RADIL: variants seen among roughly 807,000 people sequenced by gnomAD.
RADIL encodes Rap associating with DIL domain, also known as ras-associating and dilute domain-containing protein.
In RADIL, 99 loss-of-function variants were observed where a neutral mutation model predicts 97.6. The ratio of observed to expected loss-of-function variants is 1.01; its 90% CI spans 0.86 to 1.20. The LOEUF (loss-of-function observed/expected upper bound fraction) is 1.20, where lower values mean the gene tolerates loss of function less well. Ranked by LOEUF, RADIL falls within the 50% of genes most tolerant of loss-of-function variation. The pLI, the probability that RADIL is intolerant of heterozygous loss-of-function variation, is 0.00. For synonymous variants in RADIL, 803 were observed against 691.8 expected, an observed-to-expected ratio of 1.16 and a Z score of -2.52; for missense variants, 1,765 against 1,498.9, an observed-to-expected ratio of 1.18 and a Z score of -2.93.
At chr7:4,847,236 G>A (rs956775945) in intron 2 of RADIL, among the ~76,000 whole-genome samples, 1 of 152,122 alleles carries the variant, frequency 6.6e-6, no homozygotes, top group Non-Finnish European at 1.5e-5. Context: ...CAGGAGAATC[G>A]CTTGAACCCA....
intron 2 of RADIL, among the ~76,000 whole-genome samples, chr7:4,851,751 C>A (rs538568990): frequency 6.6e-6 from 1 of 152,036 alleles, no homozygotes; most frequent in African/African-American, 2.4e-5. Context: ...AAGAACTGTT[C>A]AGCAAAAAAA....
Position 4,803,399 on chromosome 7 carries a change from G to A in RADIL, c.2499+147C>T, listed in dbSNP as rs1421231473. The A allele has an allele frequency of 3.6e-5, 23 of 645,676 alleles. 1 individual carries two copies. The highest frequency in any genetic ancestry group is 9.8e-4 in the Middle Eastern group (2 of 2,038). 40.0% of individuals were successfully genotyped at this position (645,676 alleles called of 1,614,324 possible). ...GGGTGGCCCCCTCCCCGGGCACCTC[G>A]GGGCACACTGGCTGGGCCCCCTCCC... On this transcript the variant is annotated intron_variant, in intron 11 of 14. Coordinates refer to ENST00000399583, the MANE Select transcript of RADIL (RefSeq NM_018059.5).
In RADIL at chr7:4,842,270, G is replaced by A. The variant is rs544409475; in HGVS notation, c.536-5665C>T. 7.0e-4 allele frequency among the ~76,000 whole-genome samples: 106 copies of A among 152,254 alleles called. No homozygotes were observed. Among genetic ancestry groups the A allele is most frequent in the South Asian group, 3.5e-3 (17 of 4,824 alleles). ...TTCTTCTACTCTCACAGCAGAGGCC[G>A]TAAGGAAAGGAGGGCTGAGCTCCAT... On this transcript the variant is annotated intron_variant, in intron 2 of 14. Coordinates refer to ENST00000399583, the MANE Select transcript of RADIL (RefSeq NM_018059.5). This position sits in a 1 kb window ranked among gnomAD's most constrained non-coding sequence, Gnocchi z 4.5.
At chr7:4,848,154 C>A (rs1055765622) in intron 2 of RADIL, among the ~76,000 whole-genome samples, 8 of 150,390 alleles carry the variant, frequency 5.3e-5, no homozygotes, top group Non-Finnish European at 8.8e-5. Context: ...GAGCTGAGAT[C>A]ACACCACTGC....
chr7:4,834,747 C>T lies in RADIL; in HGVS notation c.1276G>A (p.Glu426Lys). ...TLLQRIMTLI[E>K]PGGDDHKLTP... ...AGCTTGTGGTCGTCGCCCCCCGGCT[C>T]GATCAACGTCATGATCCTCTGCAGC... is the stretch of plus-strand genomic sequence containing the variant. The change falls in exon 4 of 15, where the codon GAG becomes AAG. Residue 426 changes from glutamate to lysine, a missense_variant. Transcript: ENST00000399583. This position sits in a 1 kb window ranked among gnomAD's most constrained non-coding sequence, Gnocchi z 6.0. The T allele has an allele frequency of 2.8e-6, 4 of 1,407,412 alleles. No homozygotes were observed. Among genetic ancestry groups the T allele is most frequent in the Non-Finnish European group, 3.7e-6 (4 of 1,073,742 alleles). 87.2% of individuals were successfully genotyped at this position (1,407,412 alleles called of 1,614,324 possible).
chr7:4,867,973 T>C lies in RADIL; in HGVS notation c.535+9632A>G, dbSNP rs1784166930. Among the ~76,000 whole-genome samples, 1 of 152,254 alleles carries C rather than the reference T, an allele frequency of 6.6e-6. No individual in the cohort carries two copies. Among genetic ancestry groups the C allele is most frequent in the South Asian group, 2.1e-4 (1 of 4,838 alleles). On this transcript the variant is annotated intron_variant, in intron 2 of 14. Coordinates refer to ENST00000399583, the MANE Select transcript of RADIL (RefSeq NM_018059.5). This position sits in a 1 kb window ranked among gnomAD's most constrained non-coding sequence, Gnocchi z 4.1. Reference sequence around the variant, plus strand: ...ATATTGGTGAGACGGCTGTCCTGCATTAGGCATTCGGTCATGGCTGCAGGC... The same window carrying C: ...ATATTGGTGAGACGGCTGTCCTGCACTAGGCATTCGGTCATGGCTGCAGGC...
At position 4,803,639 on chromosome 7, in the gene RADIL, G is replaced by A. The variant is rs780595219; in HGVS notation, c.2406C>T (p.Tyr802=). ...GCAGACCCCACAGAAAGTGGCGGACGTAGAGCAGGTGCTGGTAGATGCTGT... is the reference window on the plus strand; with the variant it reads ...GCAGACCCCACAGAAAGTGGCGGACATAGAGCAGGTGCTGGTAGATGCTGT... ...LDDSIYQHLL[Y]VRHFLWGLRS... is the part of the protein sequence containing the mutation. Residue 802 remains tyrosine, a synonymous_variant, in exon 11 of 15, where the codon TAC becomes TAT. Transcript: ENST00000399583. 1.7e-5 allele frequency: 27 copies of A among 1,550,054 alleles called. No homozygotes were observed. Among genetic ancestry groups the A allele is most frequent in the South Asian group, 1.1e-4 (9 of 84,058 alleles).
intron 2 of RADIL, among the ~76,000 whole-genome samples, chr7:4,847,892 C>G (rs932370134): frequency 6.6e-6 from 1 of 151,986 alleles, no homozygotes; most frequent in African/African-American, 2.4e-5. Flanking sequence ...CACAAAGGAT[C>G]TTTTGGTGAT....
At chr7:4,830,905 C>G (rs1469461263) in intron 5 of RADIL, among the ~76,000 whole-genome samples, 1 of 152,004 alleles carries the variant, frequency 6.6e-6, no homozygotes, top group Non-Finnish European at 1.5e-5. Flanking sequence ...CCTGTAGTCC[C>G]AGCTACTCGG....
rs567194639 is a variant in RADIL, at chr7:4,817,385, G to C, written c.1616-34C>G. 1 of 1,584,478 alleles carries C rather than the reference G, an allele frequency of 6.3e-7. No individual in the cohort carries two copies. Among genetic ancestry groups the C allele is most frequent in the Non-Finnish European group, 8.6e-7 (1 of 1,160,808 alleles). Reference sequence around the variant, plus strand: ...AGACAGCCACGCCAATGGTCACAACGGGCACAGCGCTCAGGAACGCAGCAA... The same window carrying C: ...AGACAGCCACGCCAATGGTCACAACCGGCACAGCGCTCAGGAACGCAGCAA... On this transcript the variant is annotated intron_variant, in intron 6 of 14. Coordinates refer to ENST00000399583, the MANE Select transcript of RADIL (RefSeq NM_018059.5). This position sits in a 1 kb window ranked among gnomAD's most constrained non-coding sequence, Gnocchi z 8.3.
In RADIL at chr7:4,835,647, G is replaced by GCCTGTGTGAGAGCACTGCCC. The variant is rs1163406812; in HGVS notation, c.784-428_784-409dup. 3.7e-4 allele frequency among the ~76,000 whole-genome samples: 56 copies of GCCTGTGTGAGAGCACTGCCC among 151,578 alleles called. No individual in the cohort carries two copies. The highest frequency in any genetic ancestry group is 3.5e-3 in the Admixed American group (54 of 15,242). On this transcript the variant is annotated intron_variant, in intron 3 of 14. Coordinates refer to ENST00000399583, the MANE Select transcript of RADIL (RefSeq NM_018059.5). This position sits in a 1 kb window ranked among gnomAD's most constrained non-coding sequence, Gnocchi z 5.8. ...CCACCCCCAGTGTGGGAGCACTGCC[G>GCCTGTGTGAGAGCACTGCCC]CCTGTGTGAGAGCACTGCCCCGAGG... is the stretch of plus-strand genomic sequence containing the variant.
chr7:4,861,277 A>G, intron 2 of RADIL: 2 of 1,614,146 alleles, frequency 1.2e-6, no homozygotes, highest in African/African-American at 2.7e-5. Flanking sequence ...CTTCTGGAAT[A>G]GTCTGTAGTG....
At chr7:4,805,459 G>A in intron 10 of RADIL, 107 bp downstream of exon 10, 2 of 1,365,510 alleles carry the variant, frequency 1.5e-6, no homozygotes, top group Non-Finnish European at 1.9e-6. Flanking sequence ...CCAGGAGAGA[G>A]GTCCCCCACA....
Position 4,801,726 on chromosome 7 carries a change from G to T in RADIL, c.2769C>A (p.Gly923=), listed in dbSNP as rs369296363. 1 of 1,610,164 alleles carries T rather than the reference G, an allele frequency of 6.2e-7. No homozygotes were observed. The highest frequency in any genetic ancestry group is 8.5e-7 in the Non-Finnish European group (1 of 1,178,994). Residue 923 remains glycine, a synonymous_variant, in exon 12 of 15, where the codon GGC becomes GGA. Transcript: ENST00000399583. The part of the protein sequence containing the change: ...EPGDPDWPES[G]GPCGKALPER... ...CTGGGAGCGCTTTTCCACAGGGGCC[G>T]CCGGACTCTGGCCAGTCGGGGTCCC...
intron 5 of RADIL, among the ~76,000 whole-genome samples, chr7:4,827,619 C>CAT (rs1296598102): frequency 6.6e-6 from 1 of 152,164 alleles, no homozygotes; most frequent in African/African-American, 2.4e-5. Context: ...CGAGATCGTG[C>CAT]CACTGTACTC....
chr7:4,811,789 ATTC>A (rs1235424956), intron 9 of RADIL, among the ~76,000 whole-genome samples: 1 of 151,762 alleles, frequency 6.6e-6, no homozygotes, highest in Non-Finnish European at 1.5e-5. Flanking sequence ...GCCTGGCCTA[ATTC>A]TTCTTTAATG....
chr7:4,803,502 G>A (rs1286894714), intron 11 of RADIL, 44 bp downstream of exon 11: 3 of 1,442,468 alleles, frequency 2.1e-6, no homozygotes, highest in South Asian at 2.6e-5. Context: ...CCCCTCCCCG[G>A]GCACCTCGGG....
chr7:4,841,460 G>T (rs1050776776), intron 2 of RADIL, among the ~76,000 whole-genome samples: 3 of 152,192 alleles, frequency 2.0e-5, no homozygotes, highest in African/African-American at 7.2e-5. Context: ...ACCCACAAGC[G>T]CTGGGAGAGC....
chr7:4,861,333 G>A, intron 2 of RADIL: 1 of 1,613,490 alleles, frequency 6.2e-7, no homozygotes, highest in East Asian at 2.2e-5. Context: ...TCAAAACACA[G>A]TTTGATAACT....
Sources: allele counts gnomAD v4.1 joint callset (sites outside exome capture counted in the v4.1 genomes callset), GRCh38; gene constraint gnomAD v4.1.1; non-coding constraint Gnocchi (gnomAD v3.1); transcripts MANE v1.5; gene names NCBI Gene and HGNC (gene_info 2026-07-23, HGNC 2026-07-21).